DMD: variants seen among roughly 807,000 people sequenced by gnomAD.
DMD encodes mutant dystrophin.
In DMD, 63 loss-of-function variants were observed where a neutral mutation model predicts 330.1. The observed-to-expected ratio is 0.19, with a 90% CI of 0.16 to 0.24. The LOEUF is 0.24. DMD is among the 10% of genes least tolerant of loss of function. The pLI is 1.00. For synonymous variants in DMD, 1,223 were observed against 959.8 expected, an observed-to-expected ratio of 1.27 and a Z score of -5.07; for missense variants, 3,344 against 2,684.1, an observed-to-expected ratio of 1.25 and a Z score of -5.43.
At chrX:32,423,558 A>G (rs986070486) in intron 29 of DMD, among the ~76,000 whole-genome samples, 4 of 110,927 alleles carry the variant, frequency 3.6e-5, no homozygotes, top group African/African-American at 6.5e-5. Flanking sequence ...CTAATATTCT[A>G]TAATAGGCAT....
At chrX:31,232,235 TGCAGA>T (rs934502381) in intron 63 of DMD, among the ~76,000 whole-genome samples, 11 of 110,622 alleles carry the variant, frequency 9.9e-5, no homozygotes, top group Non-Finnish European at 2.1e-4. Flanking sequence ...GGAGGCCCAC[TGCAGA>T]GCCCTGCACA....
chrX:31,204,140 G>A (rs1290247027), intron 66 of DMD, 22 bp from the exon 67 acceptor site: 2 of 1,204,001 alleles, frequency 1.7e-6, no homozygotes. Flanking sequence ...GAAGAAAATT[G>A]CAACAGTCAA....
chrX:31,990,244 C>T (rs1051326651), intron 44 of DMD, among the ~76,000 whole-genome samples: 1 of 111,690 alleles, frequency 9.0e-6, no homozygotes, highest in Non-Finnish European at 1.9e-5. Context: ...CACTTCAGTC[C>T]TTTTGGGTGA....
chrX:33,070,269 C>T (rs1046355141), intron 1 of DMD, among the ~76,000 whole-genome samples: 2 of 111,317 alleles, frequency 1.8e-5, no homozygotes, highest in African/African-American at 3.3e-5. Flanking sequence ...CCTATGTACA[C>T]GCACACATAC....
chrX:32,796,997 T>C (rs2076227940), intron 7 of DMD, among the ~76,000 whole-genome samples: 1 of 112,418 alleles, frequency 8.9e-6, no homozygotes, highest in Non-Finnish European at 1.9e-5. Context: ...AAATGTCACA[T>C]GCATTTTATA....
At chrX:33,002,885 A>G (rs2093318897) in intron 2 of DMD, among the ~76,000 whole-genome samples, 2 of 108,189 alleles carry the variant, frequency 1.8e-5, no homozygotes, top group Non-Finnish European at 3.8e-5. Context: ...AGAAGAAGAA[A>G]AAAGAAAAAA....
chrX:32,916,642 T>G (rs2146523068), intron 2 of DMD, among the ~76,000 whole-genome samples: 1 of 111,658 alleles, frequency 9.0e-6, no homozygotes, highest in East Asian at 2.8e-4. Context: ...GTGATATTAG[T>G]GTTGATATCT....
At chrX:31,977,378 A>G (rs1188009535) in intron 44 of DMD, among the ~76,000 whole-genome samples, 2 of 111,779 alleles carry the variant, frequency 1.8e-5, no homozygotes, top group Non-Finnish European at 3.8e-5. Flanking sequence ...TACCACAAAT[A>G]ACAAGTTATT....
At chrX:31,811,988 C>CA (rs755731919) in intron 50 of DMD, among the ~76,000 whole-genome samples, 63 of 107,383 alleles carry the variant, frequency 5.9e-4, no homozygotes, top group African/African-American at 1.9e-3. Context: ...GCCATTTTCA[C>CA]AAAAAAAATG....
chrX:32,755,692 GAATTT>G (rs1377382126), intron 7 of DMD, among the ~76,000 whole-genome samples: 1 of 112,111 alleles, frequency 8.9e-6, no homozygotes, highest in Non-Finnish European at 1.9e-5. Flanking sequence ...TCAATGGTTT[GAATTT>G]AATAACATGT....
intron 60 of DMD, among the ~76,000 whole-genome samples, chrX:31,363,916 TGTACA>T (rs1427913894): frequency 8.9e-6 from 1 of 112,156 alleles, no homozygotes; most frequent in Non-Finnish European, 1.9e-5. Flanking sequence ...GAACCACTAG[TGTACA>T]GTAAACTTTC....
intron 30 of DMD, among the ~76,000 whole-genome samples, chrX:32,404,104 A>G (rs1211866993): frequency 8.9e-6 from 1 of 112,440 alleles, no homozygotes; most frequent in Non-Finnish European, 1.9e-5. Context: ...ACATTTAAAG[A>G]TGACCGATTA....
At chrX:32,778,994 GAGTATCC>G (rs1443053581) in intron 7 of DMD, among the ~76,000 whole-genome samples, 12 of 111,580 alleles carry the variant, frequency 1.1e-4, no homozygotes, top group African/African-American at 3.9e-4. Context: ...GTATCATATT[GAGTATCC>G]AGATTTCACT....
intron 1 of DMD, among the ~76,000 whole-genome samples, chrX:33,298,083 C>T (rs1222700122): frequency 9.0e-6 from 1 of 110,767 alleles, no homozygotes; most frequent in Non-Finnish European, 1.9e-5. Context: ...AAATTAACAA[C>T]AAAAAAGTAT....
intron 2 of DMD, among the ~76,000 whole-genome samples, chrX:32,896,218 C>T (rs763008823): frequency 9.0e-6 from 1 of 111,437 alleles, no homozygotes; most frequent in East Asian, 2.8e-4. Flanking sequence ...CTGTAGCCTG[C>T]TTAATTGGTA....
chrX:31,455,150 T>C (rs1358803818), intron 59 of DMD, among the ~76,000 whole-genome samples: 2 of 108,468 alleles, frequency 1.8e-5, no homozygotes, highest in Non-Finnish European at 3.8e-5. Flanking sequence ...GTTTTATATA[T>C]CCACTTTATG....
intron 44 of DMD, among the ~76,000 whole-genome samples, chrX:32,114,018 C>A (rs2096599731): frequency 9.0e-6 from 1 of 111,605 alleles, no homozygotes; most frequent in African/African-American, 3.3e-5. Context: ...GGCTCAATGT[C>A]AACATTTTGT....
intron 21 of DMD, among the ~76,000 whole-genome samples, chrX:32,478,764 C>A (rs1164906466): frequency 1.8e-5 from 2 of 111,594 alleles, no homozygotes; most frequent in Non-Finnish European, 3.8e-5. Context: ...ATGCAACTTG[C>A]TCTGCTGAAA....
chrX:32,870,273 C>T (rs1022711941), intron 2 of DMD, among the ~76,000 whole-genome samples: 6 of 111,546 alleles, frequency 5.4e-5, no homozygotes, highest in African/African-American at 2.0e-4. Context: ...AACCACTGCT[C>T]AAGGAACTAA....
Sources: allele counts gnomAD v4.1 joint callset (sites outside exome capture counted in the v4.1 genomes callset), GRCh38; gene constraint gnomAD v4.1.1; transcripts MANE v1.5; gene names NCBI Gene and HGNC (gene_info 2026-07-23, HGNC 2026-07-21).